Variants in CAMKMT observed in about 807,000 individuals in gnomAD.
The protein encoded by CAMKMT is CaM KMT.
A neutral mutation model predicts 48.0 loss-of-function variants in CAMKMT; 53 were observed. The ratio of observed to expected loss-of-function variants is 1.10; its 90% CI spans 0.89 to 1.39. The LOEUF (loss-of-function observed/expected upper bound fraction) is 1.39. Among genes scored for constraint, CAMKMT ranks in the 40% most tolerant of loss-of-function variants. CAMKMT has a pLI of 0.00. For missense variants in CAMKMT, 428 were observed against 402.7 expected (o/e 1.06, Z -0.54); for synonymous variants, 165 against 152.3 (o/e 1.08, Z -0.61).
chr2:44,764,740 T>G (rs1680767249), intron 9 of CAMKMT, among the ~76,000 whole-genome samples: 1 of 152,200 alleles, frequency 6.6e-6, no homozygotes, highest in Non-Finnish European at 1.5e-5. Context: ...CTGTACAGGT[T>G]GTTGAGAAGA....
At chr2:44,593,692 T>A (rs544522139) in intron 3 of CAMKMT, among the ~76,000 whole-genome samples, 20 of 152,034 alleles carry the variant, frequency 1.3e-4, no homozygotes, top group Non-Finnish European at 1.2e-4. Context: ...AGGGAGTAAA[T>A]CTAGTCACTG....
At chr2:44,686,210 G>A (rs950927484) in intron 3 of CAMKMT, among the ~76,000 whole-genome samples, 15 of 152,042 alleles carry the variant, frequency 9.9e-5, no homozygotes, top group African/African-American at 3.4e-4. Context: ...TGGCTAACAC[G>A]ATGAAACACC....
intron 3 of CAMKMT, among the ~76,000 whole-genome samples, chr2:44,508,799 T>A (rs1482506298): frequency 3.9e-5 from 6 of 152,126 alleles, no homozygotes. Flanking sequence ...TTGTATGTCT[T>A]AAATTGTATG....
chr2:44,768,361 A>ATATATATTTATATAT (rs35058824), intron 10 of CAMKMT, among the ~76,000 whole-genome samples: 1 of 115,744 alleles, frequency 8.6e-6, no homozygotes, highest in African/African-American at 3.7e-5. Context: ...ATATATATAT[A>ATATATATTTATATAT]TTTTTTTTTT....
chr2:44,584,486 A>G (rs1409135641), intron 3 of CAMKMT, among the ~76,000 whole-genome samples: 1 of 152,214 alleles, frequency 6.6e-6, no homozygotes, highest in Non-Finnish European at 1.5e-5. Context: ...TAATTTATGG[A>G]TAATATAAAA....
At chr2:44,631,078 T>C (rs571884786) in intron 3 of CAMKMT, among the ~76,000 whole-genome samples, 1,886 of 152,302 alleles carry the variant, frequency 0.012, 48 homozygotes, top group African/African-American at 0.044. Flanking sequence ...TAAAAAATGA[T>C]GAGTTCATGT....
intron 3 of CAMKMT, among the ~76,000 whole-genome samples, chr2:44,677,537 A>C (rs1057105395): frequency 6.6e-6 from 1 of 152,042 alleles, no homozygotes; most frequent in African/African-American, 2.4e-5. Context: ...GCAAAACCCT[A>C]TCTCTACTAA....
intron 3 of CAMKMT, among the ~76,000 whole-genome samples, chr2:44,470,283 G>A (rs1476322082): frequency 1.3e-5 from 2 of 152,002 alleles, no homozygotes; most frequent in Non-Finnish European, 2.9e-5. Context: ...ATTTTTACCT[G>A]GGTCATTTCT....
At chr2:44,658,702 A>T (rs909837718) in intron 3 of CAMKMT, among the ~76,000 whole-genome samples, 2 of 152,140 alleles carry the variant, frequency 1.3e-5, no homozygotes, top group East Asian at 3.9e-4. Flanking sequence ...CAAGATTACT[A>T]TTGCATTTAT....
chr2:44,472,054 C>T (rs907021192), intron 3 of CAMKMT, among the ~76,000 whole-genome samples: 4 of 152,068 alleles, frequency 2.6e-5, no homozygotes, highest in African/African-American at 9.7e-5. Context: ...ATGATTCTTC[C>T]TAAAAGAATT....
intron 3 of CAMKMT, among the ~76,000 whole-genome samples, chr2:44,398,025 C>T (rs1682018158): frequency 6.6e-6 from 1 of 152,058 alleles, no homozygotes; most frequent in Non-Finnish European, 1.5e-5. Flanking sequence ...TTTATTTTTC[C>T]CCCGAGCAAA....
intron 3 of CAMKMT, among the ~76,000 whole-genome samples, chr2:44,577,554 G>A (rs1669292832): frequency 6.6e-6 from 1 of 152,008 alleles, no homozygotes; most frequent in Non-Finnish European, 1.5e-5. Context: ...GAGAGGTCCA[G>A]GCTGCAGTGA....
chr2:44,497,238 C>G (rs1400519021), intron 3 of CAMKMT, among the ~76,000 whole-genome samples: 1 of 152,080 alleles, frequency 6.6e-6, no homozygotes, highest in Non-Finnish European at 1.5e-5. Context: ...CGCTGTTTCA[C>G]AAGAAATATT....
At chr2:44,534,749 G>A (rs958644552) in intron 3 of CAMKMT, among the ~76,000 whole-genome samples, 1 of 152,190 alleles carries the variant, frequency 6.6e-6, no homozygotes, top group African/African-American at 2.4e-5. Flanking sequence ...GAAGTTTATA[G>A]CATTCAATGC....
intron 3 of CAMKMT, among the ~76,000 whole-genome samples, chr2:44,545,029 A>G (rs1354770337): frequency 6.6e-6 from 1 of 152,174 alleles, no homozygotes; most frequent in African/African-American, 2.4e-5. Flanking sequence ...CAAACAGCAA[A>G]TTTTCCATAG....
At position 44,727,152 on chromosome 2, in the gene CAMKMT, G is replaced by A. The variant is rs186042992; in HGVS notation, c.623+11799G>A. ...TAAAATAACCTTTTTCTAATTCTGC[G>A]AAGAATGACATTGGTAGTTTAATAG... On this transcript the variant is annotated intron_variant, in intron 7 of 10. Coordinates refer to ENST00000378494, the MANE Select transcript of CAMKMT (RefSeq NM_024766.5). Among the ~76,000 whole-genome samples the A allele has an allele frequency of 1.4e-3, 217 of 152,178 alleles. 1 individual carries two copies. The highest frequency in any genetic ancestry group is 3.6e-3 in the Admixed American group (55 of 15,292).
chr2:44,512,748 T>C (rs796126614), intron 3 of CAMKMT, among the ~76,000 whole-genome samples: 47 of 152,252 alleles, frequency 3.1e-4, no homozygotes, highest in African/African-American at 1.1e-3. Context: ...CAACTTACAA[T>C]GGGCTTCATT....
chr2:44,382,065 C>T (rs1680305179), intron 2 of CAMKMT, among the ~76,000 whole-genome samples: 1 of 151,754 alleles, frequency 6.6e-6, no homozygotes, highest in African/African-American at 2.4e-5. Context: ...CCTCAGCCTC[C>T]TGAGTAGTTG....
At chr2:44,386,740 T>G (rs377033420) in intron 2 of CAMKMT, among the ~76,000 whole-genome samples, 5 of 152,262 alleles carry the variant, frequency 3.3e-5, no homozygotes, top group Admixed American at 2.0e-4. Context: ...GTTCGAAGAA[T>G]TTTTTAATTT....
Sources: gnomAD v4.1 joint callset for allele counts (sites outside exome capture counted in the v4.1 genomes callset) on GRCh38, gnomAD v4.1.1 for gene constraint, MANE v1.5 for transcripts, NCBI Gene and HGNC (gene_info 2026-07-23, HGNC 2026-07-21) for gene names.